SPIDR: variants seen among roughly 807,000 people sequenced by gnomAD.
The protein encoded by SPIDR is DNA repair-scaffolding protein.
A neutral mutation model predicts 104.6 loss-of-function variants in SPIDR; 93 were observed. The ratio of observed to expected loss-of-function variants is 0.89; its 90% CI spans 0.75 to 1.06. The LOEUF (loss-of-function observed/expected upper bound fraction) is 1.06. SPIDR is among the 50% of genes least tolerant of loss of function. The pLI is 0.00. For synonymous variants in SPIDR, 431 were observed against 416.9 expected (o/e 1.03, Z -0.41); for missense variants, 1,154 against 1,111.2 (o/e 1.04, Z -0.55).
intron 11 of SPIDR, among the ~76,000 whole-genome samples, chr8:47,688,213 C>A (rs2078103404): frequency 6.6e-6 from 1 of 151,950 alleles, no homozygotes; most frequent in African/African-American, 2.4e-5. Flanking sequence ...CACTGCAAGC[C>A]CCGCCTCCTG....
At chr8:47,270,672 A>G (rs2035122350) in intron 1 of SPIDR, among the ~76,000 whole-genome samples, 1 of 151,194 alleles carries the variant, frequency 6.6e-6, no homozygotes, top group Admixed American at 6.6e-5. Flanking sequence ...TTGACTAAAG[A>G]TTTTTCTTCT....
At chr8:47,721,666 G>A (rs1427787002) in intron 16 of SPIDR, among the ~76,000 whole-genome samples, 3 of 151,730 alleles carry the variant, frequency 2.0e-5, no homozygotes, top group African/African-American at 4.8e-5. Context: ...TAGTAGAGAC[G>A]GGGTTTCACC....
intron 5 of SPIDR, among the ~76,000 whole-genome samples, chr8:47,312,304 C>A (rs2044340652): frequency 6.6e-6 from 1 of 152,134 alleles, no homozygotes; most frequent in South Asian, 2.1e-4. Flanking sequence ...CACTGACTTC[C>A]ACAATGGTTG....
At chr8:47,457,329 G>T (rs991472624) in intron 8 of SPIDR, among the ~76,000 whole-genome samples, 1 of 152,074 alleles carries the variant, frequency 6.6e-6, no homozygotes, top group Non-Finnish European at 1.5e-5. Flanking sequence ...ACCGCATTGT[G>T]GTGTTGACTT....
chr8:47,268,297 G>T (rs1554548181), intron 1 of SPIDR, among the ~76,000 whole-genome samples: 1 of 152,082 alleles, frequency 6.6e-6, no homozygotes, highest in Non-Finnish European at 1.5e-5. Flanking sequence ...TCTGTTTTGA[G>T]ATTTTTTTAA....
At chr8:47,591,290 ATC>A in intron 8 of SPIDR, among the ~76,000 whole-genome samples, 1 of 150,550 alleles carries the variant, frequency 6.6e-6, no homozygotes, top group Admixed American at 6.6e-5. Context: ...TTTGGTGTAT[ATC>A]TCTTTTTATA....
chr8:47,412,403 C>G (rs1423338351), intron 7 of SPIDR, among the ~76,000 whole-genome samples: 1 of 152,176 alleles, frequency 6.6e-6, no homozygotes, highest in African/African-American at 2.4e-5. Context: ...AGGGACCATG[C>G]TTCAGGCATA....
intron 8 of SPIDR, among the ~76,000 whole-genome samples, chr8:47,487,181 A>G (rs960992471): frequency 1.3e-3 from 5 of 3,992 alleles, no homozygotes; most frequent in Admixed American, 5.4e-3. Context: ...GGAAAACAAA[A>G]CAAAACAAAA....
chr8:47,296,783 C>G (rs2040922164), intron 5 of SPIDR, among the ~76,000 whole-genome samples: 1 of 152,124 alleles, frequency 6.6e-6, no homozygotes, highest in Non-Finnish European at 1.5e-5. Flanking sequence ...TGAAGAATGA[C>G]ATTGGAATTT....
At chr8:47,418,721 T>A (rs1554677324) in intron 7 of SPIDR, among the ~76,000 whole-genome samples, 2 of 152,140 alleles carry the variant, frequency 1.3e-5, no homozygotes, top group Non-Finnish European at 2.9e-5. Flanking sequence ...ATGCTTCCAG[T>A]TTTTGCCCAT....
At chr8:47,487,466 G>T (rs2077864452) in intron 8 of SPIDR, among the ~76,000 whole-genome samples, 2 of 152,054 alleles carry the variant, frequency 1.3e-5, no homozygotes, top group South Asian at 4.1e-4. Context: ...AGTTAAAAAG[G>T]ATATCCAGGA....
chr8:47,706,258 T>C (rs1204874210), intron 14 of SPIDR, among the ~76,000 whole-genome samples: 1 of 152,102 alleles, frequency 6.6e-6, no homozygotes, highest in East Asian at 1.9e-4. Context: ...CCGGGCGTGG[T>C]GGCAGGCGCC....
intron 8 of SPIDR, among the ~76,000 whole-genome samples, chr8:47,490,282 T>C (rs2078461907): frequency 6.6e-6 from 1 of 152,122 alleles, no homozygotes; most frequent in Non-Finnish European, 1.5e-5. Flanking sequence ...GAAATGCAAA[T>C]CAAAACCACA....
chr8:47,735,195 G>A (rs2086079852), intron 19 of SPIDR, 112 bp from the exon 20 acceptor site: 1 of 942,590 alleles, frequency 1.1e-6, no homozygotes, highest in Non-Finnish European at 1.7e-6. Flanking sequence ...AGGAGTGGAA[G>A]GTCGTGGACT....
chr8:47,539,264 T>A (rs889331866), intron 8 of SPIDR, among the ~76,000 whole-genome samples: 2 of 152,114 alleles, frequency 1.3e-5, no homozygotes, highest in Non-Finnish European at 2.9e-5. Context: ...AAAAATGTAT[T>A]AAGATTTTAT....
chr8:47,328,080 A>G (rs2048005243), intron 5 of SPIDR, among the ~76,000 whole-genome samples: 1 of 150,450 alleles, frequency 6.6e-6, no homozygotes, highest in Admixed American at 6.6e-5. Context: ...AAAAAAGTTC[A>G]GTTTATCTAT....
At position 47,347,678 on chromosome 8, in the gene SPIDR, G is replaced by C. The variant is rs559178499; in HGVS notation, c.526-48698G>C. Among the ~76,000 whole-genome samples, 9 of 152,120 alleles carry C rather than the reference G, an allele frequency of 5.9e-5. No homozygotes were observed. The South Asian group carries it at 1.4e-3, about 25-fold the overall frequency. ...ATATTTAGGATAGTTAGCTCTTCTT[G>C]TTGATCCCTTTACCATTATGTAATG... On this transcript the variant is annotated intron_variant, in intron 5 of 19. Coordinates refer to ENST00000297423, the MANE Select transcript of SPIDR (RefSeq NM_001080394.4).
Position 47,414,217 on chromosome 8 carries a change from G to A in SPIDR, c.877+6256G>A, listed in dbSNP as rs186304643. On this transcript the variant is annotated intron_variant, in intron 7 of 19. Coordinates refer to ENST00000297423, the MANE Select transcript of SPIDR (RefSeq NM_001080394.4). ...TTAATACACATAGAATTCACTAGGC[G>A]TTGTCATCCCGGTTACTCACTATAG... 9.2e-5 allele frequency among the ~76,000 whole-genome samples: 14 copies of A among 152,212 alleles called. 1 individual carries two copies. In the East Asian group the frequency reaches 1.7e-3, roughly 19 times the overall value.
At chr8:47,382,522 C>T (rs1375424343) in intron 5 of SPIDR, among the ~76,000 whole-genome samples, 1 of 152,222 alleles carries the variant, frequency 6.6e-6, no homozygotes, top group Admixed American at 6.5e-5. Context: ...AAACGATTCT[C>T]CTGCCTCAGC....
Sources: allele counts gnomAD v4.1 joint callset (sites outside exome capture counted in the v4.1 genomes callset), GRCh38; gene constraint gnomAD v4.1.1; transcripts MANE v1.5; gene names NCBI Gene and HGNC (gene_info 2026-07-23, HGNC 2026-07-21).